Variants in MPPED1 observed in about 807,000 individuals in gnomAD.
The protein encoded by MPPED1 is metallophosphoesterase domain-containing protein 1.
In MPPED1, 16 loss-of-function variants were observed where a neutral mutation model predicts 36.2. The ratio of observed to expected loss-of-function variants is 0.44; its 90% CI spans 0.30 to 0.67. MPPED1 has a LOEUF of 0.67. Ranked by LOEUF, MPPED1 falls within the 30% of genes least tolerant of loss-of-function variation. The probability of loss-of-function intolerance (pLI) is 0.10; values close to 1 mark genes in which losing one functional copy is unlikely to be tolerated. For missense variants in MPPED1, 307 were observed against 453.4 expected, an observed-to-expected ratio of 0.68 and a Z score of 2.93; for synonymous variants, 199 against 191.3, an observed-to-expected ratio of 1.04 and a Z score of -0.33.
chr22:43,412,065 C>T lies in MPPED1; in HGVS notation c.-172C>T. The stretch of plus-strand genomic sequence containing the variant: ...GCGGCCGCCGCCGGAGGAGCCCCCG[C>T]CCCTGCGCGCCTCCCTCCCGGGAGC... On this transcript the variant is annotated 5_prime_UTR_variant, in exon 1 of 7. Transcript: ENST00000443721. 2.0e-6 allele frequency: 2 copies of T among 979,178 alleles called. No individual in the cohort carries two copies. Among genetic ancestry groups the T allele is most frequent in the Non-Finnish European group, 2.4e-6 (2 of 827,380 alleles). The allele number at this position is 979,178 out of a possible 1,614,324, so 60.7% of individuals were successfully genotyped here.
At chr22:43,418,299 G>A in intron 1 of MPPED1, 1 of 367,512 alleles carries the variant, frequency 2.7e-6, no homozygotes, top group Admixed American at 3.3e-5. Context: ...TGTGTTGGCT[G>A]GAAGTGATGC....
At chr22:43,488,218 G>A (rs533644854) in intron 4 of MPPED1, among the ~76,000 whole-genome samples, 2 of 152,238 alleles carry the variant, frequency 1.3e-5, no homozygotes, top group South Asian at 4.1e-4. Context: ...CCCCGGCCCG[G>A]GTGTGCCTGT....
rs897378542 is a variant in MPPED1, at chr22:43,507,544, T to C, written c.*1928T>C. 5 of 152,184 alleles carry C rather than the reference T, an allele frequency of 3.3e-5. No individual in the cohort carries two copies. Among genetic ancestry groups the C allele is most frequent in the African/African-American group, 1.2e-4 (5 of 41,430 alleles). The allele number at this position is 152,184 out of a possible 1,614,324, so 9.4% of individuals were successfully genotyped here. ...TCTCTGATGCCCCAGGCGCAGGACA[T>C]GTGTGCGGGTGGAGAAAAGCAGGCC... On this transcript the variant is annotated 3_prime_UTR_variant, in exon 7 of 7. Coordinates refer to ENST00000443721, the MANE Select transcript of MPPED1 (RefSeq NM_001044370.2).
intron 1 of MPPED1, 136 bp from the exon 2 acceptor site, chr22:43,424,772 G>T: frequency 4.4e-6 from 5 of 1,127,220 alleles, no homozygotes; most frequent in Non-Finnish European, 4.7e-6. Context: ...GATTTGTAAT[G>T]AGTTTTTGAG....
rs1197391933 is a variant in MPPED1, at chr22:43,498,213, A to G, written c.633-22A>G. ...CTGTACTTTCACCCGCCCTCCCTCA[A>G]ACACCTGCACTTCTTCTACAGGCAG... On this transcript the variant is annotated intron_variant, in intron 4 of 6. Coordinates refer to ENST00000443721, the MANE Select transcript of MPPED1 (RefSeq NM_001044370.2). 2.0e-6 allele frequency: 3 copies of G among 1,528,194 alleles called. No individual in the cohort carries two copies. The South Asian group carries it at 3.6e-5, about 18-fold the overall frequency. The allele number at this position is 1,528,194 out of a possible 1,614,324, so 94.7% of individuals were successfully genotyped here.
intron 1 of MPPED1, among the ~76,000 whole-genome samples, chr22:43,412,685 C>CCATCCATG (rs1569060235): frequency 6.6e-6 from 1 of 151,864 alleles, no homozygotes; most frequent in East Asian, 1.9e-4. Context: ...ATCCATCCAT[C>CCATCCATG]CATCCATCCA....
chr22:43,423,225 G>T (rs1929339090), intron 1 of MPPED1, among the ~76,000 whole-genome samples: 1 of 152,206 alleles, frequency 6.6e-6, no homozygotes, highest in African/African-American at 2.4e-5. Flanking sequence ...CCATGCTGGG[G>T]CTTGACCCCC....
intron 3 of MPPED1, among the ~76,000 whole-genome samples, chr22:43,436,727 C>G (rs1216330236): frequency 1.3e-5 from 2 of 152,258 alleles, no homozygotes; most frequent in South Asian, 4.1e-4. Flanking sequence ...GTCAAGAGGC[C>G]GTTTCCAGGG....
intron 3 of MPPED1, among the ~76,000 whole-genome samples, chr22:43,473,861 A>G (rs1220465926): frequency 6.6e-6 from 1 of 152,222 alleles, no homozygotes; most frequent in East Asian, 1.9e-4. Flanking sequence ...ACTCCTGCCT[A>G]GGGCATCCAG....
chr22:43,468,737 G>T (rs576146729), intron 3 of MPPED1, among the ~76,000 whole-genome samples: 1 of 152,158 alleles, frequency 6.6e-6, no homozygotes, highest in African/African-American at 2.4e-5. Context: ...AACACTGGGG[G>T]CTCATGTTTA....
At chr22:43,418,912 C>T (rs577089909) in intron 1 of MPPED1, 7 of 152,428 alleles carry the variant, frequency 4.6e-5, no homozygotes, top group African/African-American at 1.7e-4. Flanking sequence ...GGCTTTCAGG[C>T]AGGAGAGGAG....
intron 3 of MPPED1, among the ~76,000 whole-genome samples, chr22:43,466,561 C>A (rs867545173): frequency 1.4e-4 from 21 of 152,148 alleles, no homozygotes; most frequent in African/African-American, 3.4e-4. Context: ...TATTCTGATG[C>A]TTTGACATCT....
intron 1 of MPPED1, among the ~76,000 whole-genome samples, chr22:43,415,225 C>CAAAAAAAAAAAAAAAAA (rs34357060): frequency 8.1e-5 from 4 of 49,410 alleles, no homozygotes; most frequent in Non-Finnish European, 1.1e-4. Context: ...ATGTCAAAAG[C>CAAAAAAAAAAAAAAAAA]AAAAAAAAAA....
At chr22:43,470,628 T>C (rs1478899838) in intron 3 of MPPED1, among the ~76,000 whole-genome samples, 2 of 152,232 alleles carry the variant, frequency 1.3e-5, no homozygotes, top group Non-Finnish European at 2.9e-5. Context: ...GGTAGCATGA[T>C]GGTGCAGAGT....
intron 1 of MPPED1, among the ~76,000 whole-genome samples, chr22:43,413,994 A>T (rs767811744): frequency 4.0e-4 from 61 of 152,190 alleles, no homozygotes; most frequent in Non-Finnish European, 6.8e-4. Flanking sequence ...GGTACCTCTG[A>T]TGTAACCACC....
intron 4 of MPPED1, among the ~76,000 whole-genome samples, chr22:43,495,216 A>AGGT (rs370030910): frequency 8.1e-6 from 1 of 123,186 alleles, no homozygotes; most frequent in Non-Finnish European, 1.7e-5. Context: ...ATGGAAGTGG[A>AGGT]GGTGGTGGTG....
intron 2 of MPPED1, among the ~76,000 whole-genome samples, chr22:43,428,829 G>T (rs1929575557): frequency 6.6e-6 from 1 of 151,884 alleles, no homozygotes; most frequent in Admixed American, 6.6e-5. Flanking sequence ...AACCCTATGG[G>T]GGTCTCAGGA....
chr22:43,459,392 C>T (rs1198276039), intron 3 of MPPED1, among the ~76,000 whole-genome samples: 1 of 152,180 alleles, frequency 6.6e-6, no homozygotes, highest in African/African-American at 2.4e-5. Context: ...GAGAATACAG[C>T]TATTGTTTCT....
intron 2 of MPPED1, among the ~76,000 whole-genome samples, chr22:43,432,291 G>A (rs1929718766): frequency 6.7e-6 from 1 of 148,950 alleles, no homozygotes; most frequent in Non-Finnish European, 1.5e-5. Context: ...AGAAAGGGAG[G>A]AGAGAGAGGG....
Sources: allele counts gnomAD v4.1 joint callset (sites outside exome capture counted in the v4.1 genomes callset), GRCh38; gene constraint gnomAD v4.1.1; transcripts MANE v1.5; gene names NCBI Gene and HGNC (gene_info 2026-07-23, HGNC 2026-07-21).